ITGB2: variants seen among roughly 807,000 people sequenced by gnomAD.
The protein encoded by ITGB2 is integrin subunit beta 2.
Under a neutral mutation model 86.8 loss-of-function variants are expected in ITGB2, and 56 were observed. The ratio of observed to expected loss-of-function variants is 0.65; its 90% CI spans 0.52 to 0.81. The LOEUF (loss-of-function observed/expected upper bound fraction) is 0.81. ITGB2 is among the 30% of genes least tolerant of loss of function. The probability of loss-of-function intolerance (pLI) is 0.00; values close to 1 mark genes in which losing one functional copy is unlikely to be tolerated. For synonymous variants in ITGB2, 457 were observed against 450.4 expected (o/e 1.01, Z -0.19); for missense variants, 948 against 1,061.2 (o/e 0.89, Z 1.48).
chr21:44,903,406 A>G lies in ITGB2; in HGVS notation c.458T>C (p.Leu153Pro). The G allele has an allele frequency of 6.2e-7, 1 of 1,614,112 alleles. No individual in the cohort carries two copies. The highest frequency in any genetic ancestry group is 8.5e-7 in the Non-Finnish European group (1 of 1,179,982). ...LRNVKKLGGD[L>P]LRALNEITES... ...GGTGATCTCGTTGAGGGCCCGGAGC[A>G]GGTCGCCACCTAGCTTCTTGACATT... Residue 153 changes from leucine to proline, a missense_variant, in exon 5 of 16, where the codon CTG becomes CCG. Coordinates refer to ENST00000652462, the MANE Select transcript of ITGB2 (RefSeq NM_000211.5).
At chr21:44,926,487 C>T (rs1232032900) in intron 1 of ITGB2, among the ~76,000 whole-genome samples, 3 of 152,194 alleles carry the variant, frequency 2.0e-5, no homozygotes, top group African/African-American at 7.2e-5. Context: ...GGAAATGTAG[C>T]AGCACCGGCA....
chr21:44,918,578 A>G (rs2084245646), intron 1 of ITGB2, among the ~76,000 whole-genome samples: 1 of 152,202 alleles, frequency 6.6e-6, no homozygotes, highest in Non-Finnish European at 1.5e-5. Flanking sequence ...TGCCCCTTCC[A>G]GACAGGGTGC....
At chr21:44,912,266 C>A (rs1157962687) in intron 1 of ITGB2, among the ~76,000 whole-genome samples, 4 of 152,152 alleles carry the variant, frequency 2.6e-5, no homozygotes, top group Non-Finnish European at 5.9e-5. Flanking sequence ...TTGAAGACAG[C>A]GCTGGGTGCT....
At chr21:44,908,893 C>T (rs369178746) in intron 3 of ITGB2, among the ~76,000 whole-genome samples, 18 of 152,284 alleles carry the variant, frequency 1.2e-4, no homozygotes, top group African/African-American at 3.4e-4. Context: ...GGACAGGACA[C>T]GCAGCCAGAC....
intron 12 of ITGB2, 42 bp downstream of exon 12, chr21:44,889,936 G>A (rs1329954390): frequency 1.2e-5 from 19 of 1,610,626 alleles, no homozygotes; most frequent in Non-Finnish European, 1.6e-5. Context: ...CCAAGTCTGT[G>A]CCGCAGGACG....
intron 1 of ITGB2, among the ~76,000 whole-genome samples, chr21:44,919,225 C>T (rs73906946): frequency 0.23 from 35,542 of 151,994 alleles, 4,595 homozygotes; most frequent in East Asian, 0.33. Context: ...GGATGGCACC[C>T]GGCGGGGACT....
In ITGB2 at chr21:44,894,501, G is replaced by A. The variant is rs766820436; in HGVS notation, c.1083+470C>T. ...AGCCCAGGGTGCAGCTCGATGGGCC[G>A]TGCACCAGGGAGAAATTCAGGGGTT... On this transcript the variant is annotated intron_variant, in intron 9 of 15. Transcript: ENST00000652462. 3.4e-4 allele frequency: 87 copies of A among 255,884 alleles called. 1 individual carries two copies. Among genetic ancestry groups the A allele is most frequent in the Non-Finnish European group, 5.5e-4 (70 of 127,766 alleles). The allele number at this position is 255,884 out of a possible 1,614,324, so 15.9% of individuals were successfully genotyped here.
intron 3 of ITGB2, among the ~76,000 whole-genome samples, chr21:44,907,578 C>G (rs1238067794): frequency 6.6e-6 from 1 of 152,210 alleles, no homozygotes; most frequent in Admixed American, 6.5e-5. Flanking sequence ...GGAGGGGAGC[C>G]TGGGAGGCCT....
Position 44,903,523 on chromosome 21 carries a change from G to A in ITGB2, c.341C>T (p.Ala114Val), listed in dbSNP as rs958606876. Reference sequence around the variant, plus strand: ...GGCCCGCCGGAAGGTCACGTTGAACGCTGCTGCCTGGCCTGCCGGTGGGGA... The same window carrying A: ...GGCCCGCCGGAAGGTCACGTTGAACACTGCTGCCTGGCCTGCCGGTGGGGA... Reference protein sequence around the residue: ...TLYLRPGQAAAFNVTFRRAKG... With the variant: ...TLYLRPGQAAVFNVTFRRAKG... The change falls in exon 5 of 16, where the codon GCG (alanine) becomes GTG (valine). Residue 114 changes from alanine (A) to valine (V), a missense_variant. Physicochemically the swap from Ala to Val is moderately conservative, Grantham distance 64 (BLOSUM62 0). Transcript: ENST00000652462. 6 of 1,613,884 alleles carry A rather than the reference G, an allele frequency of 3.7e-6. No individual in the cohort carries two copies. The East Asian group carries it at 6.7e-5, about 18-fold the overall frequency.
chr21:44,896,888 G>A (rs113184870), intron 8 of ITGB2, among the ~76,000 whole-genome samples: 9 of 152,208 alleles, frequency 5.9e-5, no homozygotes, highest in Admixed American at 3.3e-4. Flanking sequence ...CCACACCATC[G>A]CCTGGAGTCT....
intron 5 of ITGB2, among the ~76,000 whole-genome samples, chr21:44,902,752 A>G (rs1191876031): frequency 2.6e-5 from 4 of 151,308 alleles, no homozygotes; most frequent in African/African-American, 4.9e-5. Context: ...GCGTGCATTC[A>G]CGTGCATGAG....
intron 11 of ITGB2, 57 bp from the exon 12 acceptor site, chr21:44,890,279 C>T: frequency 6.2e-7 from 1 of 1,607,218 alleles, no homozygotes; most frequent in South Asian, 1.1e-5. Flanking sequence ...GGACAAGGGA[C>T]AGCCGCCCTG....
intron 8 of ITGB2, among the ~76,000 whole-genome samples, chr21:44,895,607 C>T (rs1306849148): frequency 6.6e-6 from 1 of 151,628 alleles, no homozygotes; most frequent in African/African-American, 2.4e-5. Flanking sequence ...TTTGGGAGGC[C>T]AAAGTGGGTG....
intron 1 of ITGB2, among the ~76,000 whole-genome samples, chr21:44,913,496 G>A (rs893629406): frequency 3.9e-5 from 6 of 152,182 alleles, no homozygotes; most frequent in African/African-American, 1.2e-4. Flanking sequence ...ACAGGAAGGG[G>A]GCTGGTGGGG....
chr21:44,905,763 C>T (rs1483746234), intron 4 of ITGB2, among the ~76,000 whole-genome samples: 1 of 152,152 alleles, frequency 6.6e-6, no homozygotes, highest in Non-Finnish European at 1.5e-5. Context: ...CCTGCTCCTG[C>T]AGGACCTCCC....
chr21:44,902,236 G>T (rs2083970616), intron 5 of ITGB2, among the ~76,000 whole-genome samples: 1 of 152,234 alleles, frequency 6.6e-6, no homozygotes, highest in Admixed American at 6.5e-5. Flanking sequence ...GACATACATG[G>T]GTGATCATGA....
At chr21:44,901,891 T>G in intron 5 of ITGB2, 158 bp from the exon 6 acceptor site, 2 of 801,496 alleles carry the variant, frequency 2.5e-6, no homozygotes, top group Non-Finnish European at 3.9e-6. Context: ...AGCATGTGCG[T>G]TGTGCAAGCA....
intron 5 of ITGB2, among the ~76,000 whole-genome samples, chr21:44,902,955 A>G (rs2083987619): frequency 6.6e-6 from 1 of 152,242 alleles, no homozygotes; most frequent in African/African-American, 2.4e-5. Context: ...GTGGCAAGGC[A>G]GTGCTGGTGT....
chr21:44,899,997 C>G (rs558656716), intron 7 of ITGB2, among the ~76,000 whole-genome samples: 1 of 152,164 alleles, frequency 6.6e-6, no homozygotes, highest in Admixed American at 6.5e-5. Flanking sequence ...AGGGTGCAGC[C>G]GTAGCCTGGG....
Sources: gnomAD v4.1 joint callset for allele counts (sites outside exome capture counted in the v4.1 genomes callset) on GRCh38, gnomAD v4.1.1 for gene constraint, MANE v1.5 for transcripts, NCBI Gene and HGNC (gene_info 2026-07-23, HGNC 2026-07-21) for gene names.